The following SYN3 variants were observed in gnomAD, a reference collection of about 807,000 sequenced individuals.
The protein encoded by SYN3 is synapsin-3.
A neutral mutation model predicts 65.8 loss-of-function variants in SYN3; 35 were observed. The ratio of observed to expected loss-of-function variants is 0.53; its 90% CI spans 0.41 to 0.70. The LOEUF is 0.70. Ranked by LOEUF, SYN3 falls within the 30% of genes least tolerant of loss-of-function variation. The pLI is 0.00. For synonymous variants in SYN3, 270 were observed against 292.9 expected, an observed-to-expected ratio of 0.92 and a Z score of 0.80; for missense variants, 680 against 749.0, an observed-to-expected ratio of 0.91 and a Z score of 1.08.
intron 6 of SYN3, among the ~76,000 whole-genome samples, chr22:32,684,478 G>C (rs1025340963): frequency 3.9e-5 from 6 of 152,158 alleles, no homozygotes; most frequent in African/African-American, 1.4e-4. Context: ...TTCATTTGAA[G>C]GAGTTTATTA....
intron 10 of SYN3, 187 bp from the exon 11 acceptor site, chr22:32,529,195 A>C (rs1427610911): frequency 1.6e-6 from 1 of 641,222 alleles, no homozygotes; most frequent in Admixed American, 2.8e-5. Context: ...GTTCAGTCTA[A>C]ACCACTCCCT....
intron 6 of SYN3, among the ~76,000 whole-genome samples, chr22:32,670,612 T>A (rs999377252): frequency 6.6e-6 from 1 of 152,190 alleles, no homozygotes; most frequent in Non-Finnish European, 1.5e-5. Flanking sequence ...TCTTACAGCA[T>A]TAGGCATTGA....
intron 6 of SYN3, among the ~76,000 whole-genome samples, chr22:32,606,119 C>T (rs1169583091): frequency 6.6e-6 from 1 of 152,232 alleles, no homozygotes; most frequent in East Asian, 1.9e-4. Context: ...TTGCTCTCAT[C>T]TCCTCCACAT....
At chr22:32,544,217 C>T (rs2058302991) in intron 7 of SYN3, among the ~76,000 whole-genome samples, 3 of 152,342 alleles carry the variant, frequency 2.0e-5, no homozygotes, top group Non-Finnish European at 4.4e-5. Flanking sequence ...GGATTACACA[C>T]TCGAGCCACT....
intron 6 of SYN3, among the ~76,000 whole-genome samples, chr22:32,796,058 C>A (rs538659321): frequency 6.6e-6 from 1 of 152,258 alleles, no homozygotes; most frequent in Admixed American, 6.5e-5. Flanking sequence ...AAAGAAACCA[C>A]AAAGGAGCTA....
intron 7 of SYN3, among the ~76,000 whole-genome samples, chr22:32,560,046 C>T (rs1455009181): frequency 6.6e-6 from 1 of 152,226 alleles, no homozygotes; most frequent in East Asian, 1.9e-4. Flanking sequence ...TCAGTAAACA[C>T]ACTGTGCCTG....
chr22:32,576,602 T>C (rs966431017), intron 7 of SYN3, among the ~76,000 whole-genome samples: 5 of 152,192 alleles, frequency 3.3e-5, no homozygotes, highest in Admixed American at 3.3e-4. Context: ...TACACTTCAG[T>C]AATGGAATCG....
chr22:32,725,882 C>G (rs930688589), intron 6 of SYN3, among the ~76,000 whole-genome samples: 1 of 152,228 alleles, frequency 6.6e-6, no homozygotes, highest in Non-Finnish European at 1.5e-5. Context: ...GTCACTGTAG[C>G]TCTATTCTCC....
intron 6 of SYN3, among the ~76,000 whole-genome samples, chr22:32,718,647 G>C (rs1322031198): frequency 6.8e-6 from 1 of 148,088 alleles, no homozygotes; most frequent in African/African-American, 2.5e-5. Context: ...AAGTGAAACT[G>C]ACCAAAAAAA....
chr22:33,035,670 C>T (rs1286934415), intron 1 of SYN3, among the ~76,000 whole-genome samples: 2 of 152,214 alleles, frequency 1.3e-5, no homozygotes, highest in Non-Finnish European at 2.9e-5. Context: ...ACTCATACTC[C>T]TGGAGTCAAG....
At chr22:32,827,358 G>T (rs1000811246) in intron 6 of SYN3, among the ~76,000 whole-genome samples, 5 of 152,240 alleles carry the variant, frequency 3.3e-5, no homozygotes, top group Non-Finnish European at 7.3e-5. Flanking sequence ...AGGCTGGGCA[G>T]AATCTGCCAC....
At chr22:32,984,118 C>A (rs141774045) in intron 2 of SYN3, among the ~76,000 whole-genome samples, 14 of 138,270 alleles carry the variant, frequency 1.0e-4, no homozygotes, top group Non-Finnish European at 2.0e-4. Context: ...GCCAAGATTG[C>A]GCCATTGTAC....
At chr22:32,978,904 T>C (rs1008111306) in intron 3 of SYN3, among the ~76,000 whole-genome samples, 1 of 152,146 alleles carries the variant, frequency 6.6e-6, no homozygotes, top group Admixed American at 6.5e-5. Flanking sequence ...GTAGGCCAGG[T>C]GTGGTGGCTC....
intron 2 of SYN3, among the ~76,000 whole-genome samples, chr22:32,993,451 G>GT (rs2052782814): frequency 6.6e-6 from 1 of 152,196 alleles, no homozygotes; most frequent in Non-Finnish European, 1.5e-5. Flanking sequence ...CACCTCCTGG[G>GT]TTCAAGTGAT....
At chr22:32,738,802 C>T (rs1246043666) in intron 6 of SYN3, among the ~76,000 whole-genome samples, 1 of 152,206 alleles carries the variant, frequency 6.6e-6, no homozygotes, top group East Asian at 1.9e-4. Flanking sequence ...AGCTGAAACA[C>T]AAAGTGTGTG....
chr22:32,931,502 A>G (rs749527238), intron 3 of SYN3, 21 bp from the exon 4 acceptor site: 4 of 1,571,176 alleles, frequency 2.5e-6, no homozygotes, highest in Admixed American at 1.7e-5. Flanking sequence ...AAGCAAAGCA[A>G]AAAAGGATTC....
chr22:32,833,681 G>T (rs1396206295), intron 6 of SYN3, among the ~76,000 whole-genome samples: 1 of 152,202 alleles, frequency 6.6e-6, no homozygotes, highest in East Asian at 1.9e-4. Flanking sequence ...AATTCAGGCT[G>T]CCTGGACTGG....
At chr22:32,578,084 C>A (rs1569057349) in intron 7 of SYN3, among the ~76,000 whole-genome samples, 1 of 152,196 alleles carries the variant, frequency 6.6e-6, no homozygotes, top group Non-Finnish European at 1.5e-5. Context: ...GTACAAAGTG[C>A]CTGGATGCTA....
chr22:32,969,269 A>G (rs192337574), intron 3 of SYN3, among the ~76,000 whole-genome samples: 1 of 152,134 alleles, frequency 6.6e-6, no homozygotes, highest in African/African-American at 2.4e-5. Context: ...CCAGCAGAAA[A>G]GAAGAGGAGA....
Sources: allele counts gnomAD v4.1 joint callset (sites outside exome capture counted in the v4.1 genomes callset), GRCh38; gene constraint gnomAD v4.1.1; transcripts MANE v1.5; gene names NCBI Gene and HGNC (gene_info 2026-07-23, HGNC 2026-07-21).